CTSH: variants seen among roughly 807,000 people sequenced by gnomAD.
CTSH encodes cathepsin H, also known as pro-cathepsin H.
Under a neutral mutation model 56.3 loss-of-function variants are expected in CTSH, and 52 were observed. The observed-to-expected ratio is 0.92, with a 90% CI of 0.74 to 1.16. The LOEUF is 1.16. Among genes scored for constraint, CTSH ranks in the 50% most tolerant of loss-of-function variants. CTSH has a pLI of 0.00. For synonymous variants in CTSH, 174 were observed against 155.7 expected, an observed-to-expected ratio of 1.12 and a Z score of -0.88; for missense variants, 406 against 424.5, an observed-to-expected ratio of 0.96 and a Z score of 0.38.
chr15:78,944,831 C>G, intron 1 of CTSH, 60 bp downstream of exon 1: 1 of 1,500,034 alleles, frequency 6.7e-7, no homozygotes, highest in Non-Finnish European at 9.0e-7. Flanking sequence ...TGGCCAAGTT[C>G]TCCCAGCGTC....
At chr15:78,934,337 A>C (rs766457999) in intron 5 of CTSH, among the ~76,000 whole-genome samples, 3 of 152,216 alleles carry the variant, frequency 2.0e-5, no homozygotes, top group Non-Finnish European at 4.4e-5. Flanking sequence ...CTTCTGAAGA[A>C]GGCCACGGCA....
At position 78,927,697 on chromosome 15, in the gene CTSH, G is replaced by C. The variant is rs769291934; in HGVS notation, c.699+16C>G. 6.2e-7 allele frequency: 1 copy of C among 1,611,746 alleles called. No individual in the cohort carries two copies. Among genetic ancestry groups the C allele is most frequent in the Non-Finnish European group, 8.5e-7 (1 of 1,177,894 alleles). On this transcript the variant is annotated intron_variant, in intron 9 of 11. Coordinates refer to ENST00000220166, the MANE Select transcript of CTSH (RefSeq NM_004390.5). Reference sequence around the variant, plus strand: ...TCAGGACACATTCCCCATCCCAGAGGGGGATCGGCACTCACGATTGTGATG... The same window carrying C: ...TCAGGACACATTCCCCATCCCAGAGCGGGATCGGCACTCACGATTGTGATG...
intron 11 of CTSH, 51 bp downstream of exon 11, chr15:78,922,942 C>G (rs772476882): frequency 2.5e-5 from 40 of 1,573,876 alleles, no homozygotes; most frequent in Non-Finnish European, 3.4e-5. Flanking sequence ...CCAGGGCCTC[C>G]AGGCCTGAGC....
At chr15:78,927,329 G>C (rs1351754913) in intron 9 of CTSH, 1 of 263,134 alleles carries the variant, frequency 3.8e-6, no homozygotes, top group Non-Finnish European at 7.4e-6. Context: ...GGTTGTTATT[G>C]CAACAGAACC....
chr15:78,934,393 G>A (rs1344821946), intron 5 of CTSH, among the ~76,000 whole-genome samples: 1 of 152,234 alleles, frequency 6.6e-6, no homozygotes, highest in Non-Finnish European at 1.5e-5. Context: ...GAGAACAGCG[G>A]GGGCAGGGTC....
At chr15:78,926,431 C>T (rs12441725) in intron 9 of CTSH, 15,284 of 152,498 alleles carry the variant, frequency 0.1, 835 homozygotes, top group East Asian at 0.26. Flanking sequence ...CAGGTGGCAC[C>T]ATTTCCACCC....
Position 78,934,743 on chromosome 15 carries a change from G to A in CTSH, c.405+235C>T, listed in dbSNP as rs1175940743. On this transcript the variant is annotated intron_variant, in intron 5 of 11. Coordinates refer to ENST00000220166, the MANE Select transcript of CTSH (RefSeq NM_004390.5). The stretch of plus-strand genomic sequence containing the variant: ...ATGGGAAAATCTGGGGCGTGGGGAA[G>A]GAAGGGAGTAAACTTTAGCCCAATA... The A allele has an allele frequency of 3.4e-5, 20 of 580,914 alleles. No homozygotes were observed. The South Asian group carries it at 3.6e-4, about 10-fold the overall frequency. The allele number at this position is 580,914 out of a possible 1,614,324, so 36.0% of individuals were successfully genotyped here. A position where few individuals can be genotyped will look rare whatever the true frequency, so the allele number is the denominator to read the frequency against.
At chr15:78,924,661 A>G (rs1009045051) in intron 10 of CTSH, among the ~76,000 whole-genome samples, 2 of 150,346 alleles carry the variant, frequency 1.3e-5, no homozygotes, top group African/African-American at 4.9e-5. Flanking sequence ...TCTTCTCCCT[A>G]TTTTACGTCT....
At chr15:78,937,103 C>T in intron 3 of CTSH, 1 of 554,280 alleles carries the variant, frequency 1.8e-6, no homozygotes, top group South Asian at 2.0e-5. Flanking sequence ...CTCTTGTAAA[C>T]TTCACAACCA....
intron 1 of CTSH, among the ~76,000 whole-genome samples, chr15:78,943,252 T>C (rs1223320341): frequency 8.6e-6 from 1 of 116,904 alleles, no homozygotes; most frequent in Non-Finnish European, 1.8e-5. Context: ...AGTATTCCCC[T>C]GTTTGTTTGT....
intron 7 of CTSH, among the ~76,000 whole-genome samples, chr15:78,929,827 G>A (rs1472417424): frequency 2.0e-5 from 3 of 152,340 alleles, no homozygotes; most frequent in East Asian, 1.9e-4. Context: ...CCCTGGGCAG[G>A]TGCTTCCCAG....
intron 10 of CTSH, among the ~76,000 whole-genome samples, chr15:78,924,127 T>G (rs1358946313): frequency 2.4e-3 from 119 of 48,798 alleles, no homozygotes; most frequent in Non-Finnish European, 3.0e-3. Flanking sequence ...GCAGGGTGGG[T>G]CAGGGAAGGC....
chr15:78,934,934 G>T, intron 5 of CTSH, 44 bp downstream of exon 5: 1 of 1,249,224 alleles, frequency 8.0e-7, no homozygotes, highest in Non-Finnish European at 1.2e-6. Flanking sequence ...TTGTCTGGGA[G>T]TGTGGCCGTT....
intron 5 of CTSH, among the ~76,000 whole-genome samples, chr15:78,933,254 A>G (rs2055104609): frequency 6.6e-6 from 1 of 152,236 alleles, no homozygotes; most frequent in South Asian, 2.1e-4. Flanking sequence ...TGGGCAAGTC[A>G]CTTCCCCTCT....
Position 78,927,769 on chromosome 15 carries a change from T to TG in CTSH, c.642dup (p.Lys215GlnfsTer21). ...CCGATGGCCTTTCCAGGTTGGAACT[T>TG]GCAATAACCATCCTGTTGAGGATGC... On this transcript the variant is annotated frameshift_variant, in exon 9 of 12. Transcript: ENST00000220166. LOFTEE classifies it high-confidence loss of function. 6.2e-7 allele frequency: 1 copy of TG among 1,614,146 alleles called. No individual in the cohort carries two copies. The highest frequency in any genetic ancestry group is 2.2e-5 in the East Asian group (1 of 44,876).
At chr15:78,938,432 C>T (rs1265792774) in intron 2 of CTSH, among the ~76,000 whole-genome samples, 1 of 152,146 alleles carries the variant, frequency 6.6e-6, no homozygotes, top group Non-Finnish European at 1.5e-5. Flanking sequence ...CCCTGCCCTT[C>T]CTAGCTTCTG....
rs781451419 is a variant in CTSH, at chr15:78,937,440, C to T, written c.124-17G>A. 1 of 1,603,660 alleles carries T rather than the reference C, an allele frequency of 6.2e-7. No individual in the cohort carries two copies. The highest frequency in any genetic ancestry group is 8.5e-7 in the Non-Finnish European group (1 of 1,171,380). On this transcript the variant is annotated splice_polypyrimidine_tract_variant and intron_variant, in intron 2 of 11. Transcript: ENST00000220166. ...CTTACGGTGCTAAAACAAAACACGC[C>T]AGTAGCAAGTCATGGAAACAGGCTG...
rs751518176 is a variant in CTSH, at chr15:78,935,092, CCAAA to C, written c.301-14_301-11del. 1.3e-5 allele frequency: 20 copies of C among 1,573,214 alleles called. No homozygotes were observed. The African/African-American group carries it at 1.9e-4, about 15-fold the overall frequency. On this transcript the variant is annotated splice_polypyrimidine_tract_variant and intron_variant, in intron 4 of 11. Transcript: ENST00000220166. The stretch of plus-strand genomic sequence containing the variant: ...TGGTGGCTGAGCAATTCTGGAACAA[CCAAA>C]CACATTATTTTCAGGAAAATAAACA...
chr15:78,935,802 T>C lies in CTSH; in HGVS notation c.230-52A>G, dbSNP rs1274858722. The C allele has an allele frequency of 5.9e-6, 8 of 1,366,802 alleles. No homozygotes were observed. The African/African-American group carries it at 1.2e-4, about 20-fold the overall frequency. The allele number at this position is 1,366,802 out of a possible 1,614,324, so 84.7% of individuals were successfully genotyped here. A position where few individuals can be genotyped will look rare whatever the true frequency, so the allele number is the denominator to read the frequency against. On this transcript the variant is annotated intron_variant, in intron 3 of 11. Coordinates refer to ENST00000220166, the MANE Select transcript of CTSH (RefSeq NM_004390.5). The stretch of plus-strand genomic sequence containing the variant: ...ACAGAAATGGTTAGTGAATCACTAA[T>C]GAAGAAACAAGAAAAAGTGATGAAA...
Sources: allele counts gnomAD v4.1 joint callset (sites outside exome capture counted in the v4.1 genomes callset), GRCh38; gene constraint gnomAD v4.1.1; transcripts MANE v1.5; gene names NCBI Gene and HGNC (gene_info 2026-07-23, HGNC 2026-07-21).